The following PRKG1 variants were observed in gnomAD, a reference collection of about 807,000 sequenced individuals.
PRKG1 encodes cGMP-dependent protein kinase 1.
In PRKG1, 35 loss-of-function variants were observed where a neutral mutation model predicts 88.1. The ratio of observed to expected loss-of-function variants is 0.40; its 90% CI spans 0.30 to 0.53. The LOEUF (loss-of-function observed/expected upper bound fraction) is 0.53, where lower values mean the gene tolerates loss of function less well. Among genes scored for constraint, PRKG1 ranks in the 20% least tolerant of loss-of-function variants. The pLI, the probability that PRKG1 is intolerant of heterozygous loss-of-function variation, is 0.59. For synonymous variants in PRKG1, 303 were observed against 292.5 expected (o/e 1.04, Z -0.37); for missense variants, 540 against 839.8 (o/e 0.64, Z 4.41).
At position 51,167,292 on chromosome 10, in the gene PRKG1, G is replaced by C. The variant is rs188690816; in HGVS notation, c.478+13962G>C. ...AATGACAAGAAGGAACCAAACAAAA[G>C]TGTGGGTAGAGGATTCCAGATGAAG... On this transcript the variant is annotated intron_variant, in intron 2 of 17. Transcript: ENST00000373980. 2.6e-5 allele frequency among the ~76,000 whole-genome samples: 4 copies of C among 152,168 alleles called. No homozygotes were observed. In the South Asian group the frequency reaches 6.2e-4, roughly 24 times the overall value.
At chr10:51,379,896 G>C (rs1837029976) in intron 2 of PRKG1, among the ~76,000 whole-genome samples, 1 of 152,152 alleles carries the variant, frequency 6.6e-6, no homozygotes, top group African/African-American at 2.4e-5. Flanking sequence ...TAGCTATGAG[G>C]AAAAGCACAA....
intron 2 of PRKG1, among the ~76,000 whole-genome samples, chr10:51,450,269 GTTTATAT>G (rs1839396413): frequency 6.6e-6 from 1 of 151,906 alleles, no homozygotes; most frequent in African/African-American, 2.4e-5. Flanking sequence ...TCAAGATAAA[GTTTATAT>G]TTTATAGTTT....
At chr10:51,167,689 T>C (rs181139740) in intron 2 of PRKG1, among the ~76,000 whole-genome samples, 21 of 152,264 alleles carry the variant, frequency 1.4e-4, no homozygotes, top group Admixed American at 7.2e-4. Flanking sequence ...AATTTGGCAG[T>C]GCATGGATTA....
At chr10:51,497,293 T>C (rs926367860) in intron 3 of PRKG1, among the ~76,000 whole-genome samples, 1 of 152,288 alleles carries the variant, frequency 6.6e-6, no homozygotes. Context: ...TAACAGTCCT[T>C]GGACACCCAA....
At chr10:52,062,481 C>A in intron 6 of PRKG1, 56 bp from the exon 7 acceptor site, 1 of 1,106,028 alleles carries the variant, frequency 9.0e-7, no homozygotes, top group South Asian at 1.8e-5. Context: ...AATTAGTGTT[C>A]CTTTGTCCAT....
intron 2 of PRKG1, among the ~76,000 whole-genome samples, chr10:51,294,987 G>T (rs909467720): frequency 7.2e-5 from 11 of 152,116 alleles, no homozygotes; most frequent in East Asian, 3.9e-4. Flanking sequence ...GGAGACTGAG[G>T]GGGGAGGATT....
At chr10:51,906,513 T>C (rs1214284582) in intron 4 of PRKG1, among the ~76,000 whole-genome samples, 1 of 152,098 alleles carries the variant, frequency 6.6e-6, no homozygotes, top group East Asian at 1.9e-4. Flanking sequence ...AAGTGGGAGC[T>C]TCTAGGTCAT....
chr10:52,259,958 G>A (rs1370930841), intron 10 of PRKG1, among the ~76,000 whole-genome samples: 3 of 151,922 alleles, frequency 2.0e-5, no homozygotes, highest in African/African-American at 7.2e-5. Flanking sequence ...GAATCGTATG[G>A]GGGAAGAAGT....
At chr10:52,141,025 T>C (rs528145898) in intron 8 of PRKG1, among the ~76,000 whole-genome samples, 1 of 152,254 alleles carries the variant, frequency 6.6e-6, no homozygotes, top group South Asian at 2.1e-4. Context: ...CAGAATAAAA[T>C]CTAGGGTGAT....
At chr10:51,504,982 G>T (rs1052420281) in intron 3 of PRKG1, among the ~76,000 whole-genome samples, 25 of 152,032 alleles carry the variant, frequency 1.6e-4, no homozygotes, top group African/African-American at 5.3e-4. Flanking sequence ...CTGCCTAATT[G>T]CCCTGGCCAG....
intron 2 of PRKG1, among the ~76,000 whole-genome samples, chr10:51,270,737 C>T (rs970383191): frequency 6.6e-6 from 1 of 152,094 alleles, no homozygotes; most frequent in African/African-American, 2.4e-5. Context: ...CGATCTGCAC[C>T]AATTCCACTC....
Position 51,081,130 on chromosome 10 carries a change from G to A in PRKG1, c.311+6229G>A, listed in dbSNP as rs191328012. Among the ~76,000 whole-genome samples, 22 of 152,262 alleles carry A rather than the reference G, an allele frequency of 1.4e-4. No homozygotes were observed. In the East Asian group the frequency reaches 4.3e-3, roughly 29 times the overall value. ...ATTCATATAAGCATTCCTTCTGGAG[G>A]CTCTAGGGGAGACTCCATATCTTGT... On this transcript the variant is annotated intron_variant, in intron 1 of 17. Coordinates refer to ENST00000373980, the MANE Select transcript of PRKG1 (RefSeq NM_006258.4).
At chr10:51,251,046 T>C (rs536993206) in intron 2 of PRKG1, among the ~76,000 whole-genome samples, 1 of 151,842 alleles carries the variant, frequency 6.6e-6, no homozygotes, top group Non-Finnish European at 1.5e-5. Context: ...TTTATTGTGA[T>C]ATTATGTCTT....
chr10:51,075,121 G>A (rs1441246068), intron 1 of PRKG1, among the ~76,000 whole-genome samples: 1 of 152,172 alleles, frequency 6.6e-6, no homozygotes, highest in African/African-American at 2.4e-5. Flanking sequence ...AGATGTCAAG[G>A]TATTATTTTT....
chr10:51,583,805 C>G (rs1838104190), intron 3 of PRKG1, among the ~76,000 whole-genome samples: 1 of 152,016 alleles, frequency 6.6e-6, no homozygotes, highest in South Asian at 2.1e-4. Context: ...GGAGCAGAGA[C>G]AAAGTTTTGT....
At chr10:52,149,671 C>T (rs1837846734) in intron 8 of PRKG1, among the ~76,000 whole-genome samples, 1 of 152,100 alleles carries the variant, frequency 6.6e-6, no homozygotes, top group South Asian at 2.1e-4. Context: ...CTGGTGGCTC[C>T]TTGATCGTGG....
chr10:51,212,004 C>A (rs1838234609), intron 2 of PRKG1, among the ~76,000 whole-genome samples: 1 of 152,162 alleles, frequency 6.6e-6, no homozygotes, highest in African/African-American at 2.4e-5. Context: ...GCCTGCATTG[C>A]CAAGTCAATC....
At chr10:52,286,563 G>A (rs1842120870) in intron 14 of PRKG1, among the ~76,000 whole-genome samples, 1 of 151,978 alleles carries the variant, frequency 6.6e-6, no homozygotes, top group South Asian at 2.1e-4. Flanking sequence ...AAATATTGTA[G>A]TCTTTGGCAA....
At chr10:52,177,053 G>A (rs970971413) in intron 9 of PRKG1, among the ~76,000 whole-genome samples, 5 of 150,650 alleles carry the variant, frequency 3.3e-5, no homozygotes, top group African/African-American at 1.0e-4. Flanking sequence ...CCAGTACTAC[G>A]TTGAAAAAGA....
Sources: allele counts gnomAD v4.1 joint callset (sites outside exome capture counted in the v4.1 genomes callset), GRCh38; gene constraint gnomAD v4.1.1; transcripts MANE v1.5; gene names NCBI Gene and HGNC (gene_info 2026-07-23, HGNC 2026-07-21).